POU6F2: variants seen among roughly 807,000 people sequenced by gnomAD.
POU6F2 encodes POU domain, class 6, transcription factor 2.
A neutral mutation model predicts 71.3 loss-of-function variants in POU6F2; 31 were observed. The observed-to-expected ratio is 0.43, with a 90% CI of 0.33 to 0.59. POU6F2 has a LOEUF of 0.59. Ranked by LOEUF, POU6F2 falls within the 20% of genes least tolerant of loss-of-function variation. The pLI is 0.04. For synonymous variants in POU6F2, 347 were observed against 355.7 expected (o/e 0.98, Z 0.27); for missense variants, 783 against 856.8 (o/e 0.91, Z 1.07).
At chr7:39,220,141 C>T (rs1794319711) in intron 4 of POU6F2, among the ~76,000 whole-genome samples, 2 of 152,094 alleles carry the variant, frequency 1.3e-5, no homozygotes, top group African/African-American at 2.4e-5. Context: ...CAGCAGCAGC[C>T]GCGACTGGAG....
chr7:39,457,899 ACT>A (rs1462700897), intron 8 of POU6F2, among the ~76,000 whole-genome samples: 5 of 151,730 alleles, frequency 3.3e-5, no homozygotes, highest in African/African-American at 1.2e-4. Context: ...ACCATTCTGT[ACT>A]CTCTGCTCTA....
rs1174331633 is a variant in POU6F2 at position 39,339,669 on chromosome 7, A to G, written c.626A>G (p.Gln209Arg). ...ACCTCATCCCTGAACTCCCAGCTCC[A>G]GCAGCTCCAGCTCCAGCTCCAGCAG... Reference protein sequence around the residue: ...QATSSLNSQLQQLQLQLQQQQ... With the variant: ...QATSSLNSQLRQLQLQLQQQQ... The change falls in exon 5 of 10, where the codon CAG becomes CGG. Residue 209 changes from glutamine (Q) to arginine (R), a missense_variant. Gln to Arg is a conservative substitution (Grantham distance 43). This residue lies in a region of POU6F2 where 572 missense variants were observed against 572.9 expected (regional missense o/e 1.00). Transcript: ENST00000518318. 1 of 1,600,212 alleles carries G rather than the reference A, an allele frequency of 6.2e-7. No individual in the cohort carries two copies. Among genetic ancestry groups the G allele is most frequent in the East Asian group, 2.2e-5 (1 of 44,870 alleles).
intron 4 of POU6F2, among the ~76,000 whole-genome samples, chr7:39,245,517 T>G (rs1783805164): frequency 6.6e-6 from 1 of 152,216 alleles, no homozygotes; most frequent in Admixed American, 6.5e-5. Context: ...ATGACTTGGT[T>G]TTTTATCAAC....
chr7:39,195,369 A>C (rs1793765688), intron 2 of POU6F2, among the ~76,000 whole-genome samples: 2 of 152,208 alleles, frequency 1.3e-5, no homozygotes, highest in Admixed American at 1.3e-4. Context: ...AATTGAAATA[A>C]TGGCTTATTC....
At chr7:39,087,888 T>A (rs1372043261) in intron 2 of POU6F2, among the ~76,000 whole-genome samples, 2 of 152,166 alleles carry the variant, frequency 1.3e-5, no homozygotes, top group African/African-American at 2.4e-5. Flanking sequence ...TTATGCTACG[T>A]CTTACTGATT....
At chr7:39,259,800 C>T (rs1208530412) in intron 4 of POU6F2, among the ~76,000 whole-genome samples, 1 of 152,078 alleles carries the variant, frequency 6.6e-6, no homozygotes, top group Admixed American at 6.5e-5. Flanking sequence ...CTGCTCCCCA[C>T]AGCCCATGAG....
chr7:39,016,116 T>C (rs1183689195), intron 1 of POU6F2, among the ~76,000 whole-genome samples: 2 of 115,300 alleles, frequency 1.7e-5, no homozygotes, highest in African/African-American at 6.7e-5. Context: ...CTATATTATA[T>C]ATTATATCTA....
intron 2 of POU6F2, among the ~76,000 whole-genome samples, chr7:39,129,139 G>C (rs1219556921): frequency 1.3e-5 from 2 of 152,140 alleles, no homozygotes; most frequent in African/African-American, 4.8e-5. Context: ...TCATTTCTTA[G>C]TGTGTTCAGA....
chr7:39,248,443 C>A (rs2128752380), intron 4 of POU6F2, among the ~76,000 whole-genome samples: 1 of 152,254 alleles, frequency 6.6e-6, no homozygotes, highest in Admixed American at 6.5e-5. Flanking sequence ...CTCCTCAGCC[C>A]ATCACAGAAC....
intron 1 of POU6F2, among the ~76,000 whole-genome samples, chr7:39,052,816 G>T (rs748969327): frequency 5.3e-5 from 8 of 152,168 alleles, no homozygotes; most frequent in Non-Finnish European, 1.2e-4. Context: ...TGTTAATTCA[G>T]TATTTATGGG....
intron 4 of POU6F2, among the ~76,000 whole-genome samples, chr7:39,261,819 ATATT>A (rs1283165051): frequency 1.8e-4 from 27 of 152,354 alleles, no homozygotes; most frequent in Admixed American, 1.4e-3. Context: ...TGCAGATTGC[ATATT>A]TTCTGGTTTA....
intron 5 of POU6F2, among the ~76,000 whole-genome samples, chr7:39,391,052 A>G (rs1787066449): frequency 6.6e-6 from 1 of 152,206 alleles, no homozygotes; most frequent in South Asian, 2.1e-4. Flanking sequence ...TTCTACCAAA[A>G]TATCATTGCT....
At chr7:39,275,247 C>T (rs1583490266) in intron 4 of POU6F2, among the ~76,000 whole-genome samples, 2 of 150,804 alleles carry the variant, frequency 1.3e-5, no homozygotes, top group African/African-American at 4.8e-5. Flanking sequence ...AGCATTCTTA[C>T]ACACCAATAA....
At chr7:39,045,375 A>T (rs1584515062) in intron 1 of POU6F2, among the ~76,000 whole-genome samples, 1 of 151,898 alleles carries the variant, frequency 6.6e-6, no homozygotes, top group African/African-American at 2.4e-5. Context: ...AGGGGTTTCC[A>T]GCAAGTTATA....
chr7:39,321,881 TTATA>T lies in POU6F2; in HGVS notation c.599-17752_599-17749del, dbSNP rs983834469. Among the ~76,000 whole-genome samples, 10 of 146,412 alleles carry T rather than the reference TTATA, an allele frequency of 6.8e-5. No individual in the cohort carries two copies. The East Asian group carries it at 2.0e-3, about 29-fold the overall frequency. On this transcript the variant is annotated intron_variant, in intron 4 of 9. Transcript: ENST00000518318. The stretch of plus-strand genomic sequence containing the variant: ...CTTTAAGAATAAACATTGTATATAT[TTATA>T]TATATATAGAGAGAGAGAGACAGAG...
chr7:39,010,036 A>C (rs1789221744), intron 1 of POU6F2, among the ~76,000 whole-genome samples: 1 of 149,080 alleles, frequency 6.7e-6, no homozygotes, highest in African/African-American at 2.5e-5. Context: ...TGCTGGCCTC[A>C]TAAAATGAGT....
intron 4 of POU6F2, among the ~76,000 whole-genome samples, chr7:39,275,806 A>T (rs1784426941): frequency 6.6e-6 from 1 of 151,850 alleles, no homozygotes; most frequent in Admixed American, 6.6e-5. Context: ...TGGGGAAAGG[A>T]TTCCCTATTT....
intron 2 of POU6F2, among the ~76,000 whole-genome samples, chr7:39,157,309 A>G (rs1180083233): frequency 6.6e-6 from 1 of 152,184 alleles, no homozygotes; most frequent in Non-Finnish European, 1.5e-5. Flanking sequence ...ACCATACACA[A>G]TTAGGGAGGT....
intron 4 of POU6F2, among the ~76,000 whole-genome samples, chr7:39,214,082 T>G (rs572943524): frequency 4.6e-5 from 7 of 152,346 alleles, no homozygotes; most frequent in Non-Finnish European, 7.3e-5. Context: ...AGGGAATGCT[T>G]CTTTTCTTTC....
Sources: gnomAD v4.1 joint callset for allele counts (sites outside exome capture counted in the v4.1 genomes callset) on GRCh38, gnomAD v4.1.1 for gene constraint, gnomAD v4.1.1 regional missense constraint, MANE v1.5 for transcripts, NCBI Gene and HGNC (gene_info 2026-07-23, HGNC 2026-07-21) for gene names.